The following ATAD1 variants were observed in gnomAD, a reference collection of about 807,000 sequenced individuals.
ATAD1 encodes ATPase family AAA domain containing 1.
A neutral mutation model predicts 42.7 loss-of-function variants in ATAD1; 18 were observed. That is an observed-to-expected ratio of 0.42 (90% CI 0.29 to 0.63). The LOEUF (loss-of-function observed/expected upper bound fraction) is 0.63, where lower values mean the gene tolerates loss of function less well. ATAD1 is among the 20% of genes least tolerant of loss of function. The pLI is 0.19. For synonymous variants in ATAD1, 132 were observed against 143.1 expected (o/e 0.92, Z 0.55); for missense variants, 294 against 440.4 (o/e 0.67, Z 2.98).
At chr10:87,802,927 T>G (rs900135549) in intron 2 of ATAD1, among the ~76,000 whole-genome samples, 1 of 152,234 alleles carries the variant, frequency 6.6e-6, no homozygotes, top group African/African-American at 2.4e-5. Context: ...TTTATTTCCC[T>G]TCTTTTTTCC....
Position 87,756,847 on chromosome 10 carries a change from A to T in ATAD1, c.907T>A (p.Cys303Ser), listed in dbSNP as rs1271910477. The T allele has an allele frequency of 1.2e-6, 2 of 1,613,000 alleles. No homozygotes were observed. The highest frequency in any genetic ancestry group is 1.7e-6 in the Non-Finnish European group (2 of 1,179,448). ...ACACAGAGGAGGGCAGCATCTCGAC[A>T]CATCTCTTTTAGGTCACTTCCTGAA... is the stretch of plus-strand genomic sequence containing the variant. ...GFSGSDLKEM[C>S]RDAALLCVRE... is the part of the protein sequence containing the mutation. The change falls in exon 9 of 10, where the codon TGT (cysteine) becomes AGT (serine). Residue 303 changes from cysteine (C) to serine (S), a missense_variant. Transcript: ENST00000680024.
intron 2 of ATAD1, among the ~76,000 whole-genome samples, chr10:87,809,251 C>T (rs1857067068): frequency 6.6e-6 from 1 of 152,124 alleles, no homozygotes; most frequent in African/African-American, 2.4e-5. Flanking sequence ...TTTGACTCCC[C>T]TCAAACTGAA....
intron 8 of ATAD1, among the ~76,000 whole-genome samples, chr10:87,759,206 T>A (rs1854367604): frequency 6.6e-6 from 1 of 152,086 alleles, no homozygotes; most frequent in Admixed American, 6.6e-5. Flanking sequence ...GTAAAAAGAA[T>A]AAAAATAACA....
At chr10:87,811,805 C>A (rs143889268) in intron 2 of ATAD1, among the ~76,000 whole-genome samples, 1 of 152,170 alleles carries the variant, frequency 6.6e-6, no homozygotes, top group African/African-American at 2.4e-5. Context: ...TTCAGACCTG[C>A]AACTTCAATT....
At chr10:87,781,353 C>T (rs931748883) in intron 5 of ATAD1, among the ~76,000 whole-genome samples, 2 of 152,040 alleles carry the variant, frequency 1.3e-5, no homozygotes, top group South Asian at 4.2e-4. Context: ...AACAGAACTT[C>T]TAAAGTTCAA....
At chr10:87,820,217 A>G (rs1857606322), upstream of ATAD1, among the ~76,000 whole-genome samples, 1 of 152,208 alleles carries the variant, frequency 6.6e-6, no homozygotes, top group South Asian at 2.1e-4. Context: ...TCATGGACAC[A>G]TGGTTTGGCA....
At chr10:87,775,498 T>A (rs1855261296) in intron 6 of ATAD1, among the ~76,000 whole-genome samples, 9 of 95,782 alleles carry the variant, frequency 9.4e-5, no homozygotes, top group South Asian at 3.5e-4. Context: ...CCATGAGATA[T>A]AAGTAAGTGA....
At chr10:87,792,619 C>A in intron 3 of ATAD1, 38 bp downstream of exon 3, 16 of 1,289,396 alleles carry the variant, frequency 1.2e-5, no homozygotes, top group Non-Finnish European at 1.3e-5. Flanking sequence ...CCCACCCCCA[C>A]CTCTAAAAAA....
At chr10:87,796,608 G>A (rs1856400624) in intron 2 of ATAD1, among the ~76,000 whole-genome samples, 1 of 152,176 alleles carries the variant, frequency 6.6e-6, no homozygotes. Flanking sequence ...AGGACCTCCT[G>A]CAGCTGTGTC....
intron 2 of ATAD1, among the ~76,000 whole-genome samples, chr10:87,799,420 T>C (rs1856572998): frequency 6.6e-6 from 1 of 152,316 alleles, no homozygotes; most frequent in South Asian, 2.1e-4. Context: ...GTCTAGACCA[T>C]AGTCAGTAAG....
At chr10:87,807,707 A>G (rs1255243586) in intron 2 of ATAD1, among the ~76,000 whole-genome samples, 1 of 152,158 alleles carries the variant, frequency 6.6e-6, no homozygotes, top group East Asian at 1.9e-4. Flanking sequence ...AAATAATAGG[A>G]AACACTTATG....
intron 2 of ATAD1, among the ~76,000 whole-genome samples, chr10:87,800,317 ACT>A (rs1056183309): frequency 2.6e-5 from 4 of 151,978 alleles, no homozygotes; most frequent in African/African-American, 2.4e-5. Flanking sequence ...ATTGCATCTC[ACT>A]GTTTTTAGTT....
At chr10:87,781,566 A>G (rs78754725) in intron 5 of ATAD1, among the ~76,000 whole-genome samples, 2,283 of 152,348 alleles carry the variant, frequency 0.015, 59 homozygotes, top group African/African-American at 0.051. Flanking sequence ...AAAACAAAAC[A>G]GTATGTCTTA....
chr10:87,818,327 C>T (rs1184682792), upstream of ATAD1: 5 of 922,926 alleles, frequency 5.4e-6, no homozygotes, highest in South Asian at 1.0e-4. Flanking sequence ...TGCTCCCAGG[C>T]TTAGAAACAG....
At chr10:87,816,767 G>A (rs1857435015) in intron 1 of ATAD1, among the ~76,000 whole-genome samples, 2 of 152,170 alleles carry the variant, frequency 1.3e-5, no homozygotes, top group African/African-American at 4.8e-5. Flanking sequence ...CAGTTGAAAC[G>A]TGTTATATCA....
At chr10:87,775,759 G>A (rs1855276493) in intron 6 of ATAD1, among the ~76,000 whole-genome samples, 1 of 152,132 alleles carries the variant, frequency 6.6e-6, no homozygotes, top group Non-Finnish European at 1.5e-5. Flanking sequence ...TGGTTTCACA[G>A]CCATACAGGA....
chr10:87,798,357 T>C (rs1856500063), intron 2 of ATAD1, among the ~76,000 whole-genome samples: 1 of 152,206 alleles, frequency 6.6e-6, no homozygotes, highest in Non-Finnish European at 1.5e-5. Flanking sequence ...GCACCACTAC[T>C]TGCCAGAGTT....
At chr10:87,791,841 GTAT>G (rs1455236051) in intron 3 of ATAD1, among the ~76,000 whole-genome samples, 1 of 152,102 alleles carries the variant, frequency 6.6e-6, no homozygotes, top group African/African-American at 2.4e-5. Flanking sequence ...GGTAAAGTAG[GTAT>G]TATTATCTCT....
chr10:87,764,194 T>G (rs1192201915), intron 8 of ATAD1, among the ~76,000 whole-genome samples: 7 of 151,870 alleles, frequency 4.6e-5, no homozygotes, highest in Non-Finnish European at 7.4e-5. Flanking sequence ...GCGCAGTGGC[T>G]CATGCCTGAA....
Sources: allele counts gnomAD v4.1 joint callset (sites outside exome capture counted in the v4.1 genomes callset), GRCh38; gene constraint gnomAD v4.1.1; transcripts MANE v1.5; gene names NCBI Gene and HGNC (gene_info 2026-07-23, HGNC 2026-07-21).